Variants in ARHGAP39 observed in about 807,000 individuals in gnomAD.
The protein encoded by ARHGAP39 is rho GTPase-activating protein 39.
ARHGAP39 carries 44 observed loss-of-function variants against 106.9 expected under a neutral mutation model. That is an observed-to-expected ratio of 0.41 (90% CI 0.32 to 0.53). The LOEUF is 0.53. ARHGAP39 is among the 20% of genes least tolerant of loss of function. ARHGAP39 has a pLI of 0.21. For synonymous variants in ARHGAP39, 768 were observed against 693.2 expected, an observed-to-expected ratio of 1.11 and a Z score of -1.69; for missense variants, 1,496 against 1,577.3, an observed-to-expected ratio of 0.95 and a Z score of 0.87.
Position 144,570,050 on chromosome 8 carries a change from G to A in ARHGAP39, c.512+10796C>T, listed in dbSNP as rs573604527. Among the ~76,000 whole-genome samples the A allele has an allele frequency of 1.6e-3, 242 of 152,184 alleles. 1 individual carries two copies. The highest frequency in any genetic ancestry group is 5.5e-3 in the African/African-American group (228 of 41,516). On this transcript the variant is annotated intron_variant, in intron 3 of 11. Coordinates refer to ENST00000377307, the MANE Select transcript of ARHGAP39 (RefSeq NM_025251.3). ...AGCCTGGCCAACATGGTAAAACCCC[G>A]TCTCTACTAAAAATACAAAAATTAA...
intron 2 of ARHGAP39, among the ~76,000 whole-genome samples, chr8:144,587,308 G>A (rs988701641): frequency 5.3e-5 from 8 of 152,184 alleles, no homozygotes; most frequent in African/African-American, 1.7e-4. Flanking sequence ...GAGAAGGAAA[G>A]AGGCTACAGC....
At chr8:144,549,146 C>T (rs1269715759) in intron 4 of ARHGAP39, among the ~76,000 whole-genome samples, 1 of 152,252 alleles carries the variant, frequency 6.6e-6, no homozygotes. Flanking sequence ...CTCACTCATC[C>T]GCAACGAGGG....
intron 1 of ARHGAP39, among the ~76,000 whole-genome samples, chr8:144,653,751 T>C (rs1179239231): frequency 6.6e-6 from 1 of 151,876 alleles, no homozygotes; most frequent in Non-Finnish European, 1.5e-5. Flanking sequence ...GTAATAACTA[T>C]CAGGTCATGA....
At position 144,566,060 on chromosome 8, in the gene ARHGAP39, C is replaced by T. The variant is rs578088954; in HGVS notation, c.513-10417G>A. Among the ~76,000 whole-genome samples the T allele has an allele frequency of 3.3e-5, 5 of 152,090 alleles. No individual in the cohort carries two copies. In the South Asian group the frequency reaches 1.0e-3, roughly 32 times the overall value. On this transcript the variant is annotated intron_variant, in intron 3 of 11. Transcript: ENST00000377307. ...CATCATCTGTGATTGCGCCATTGCA[C>T]TTCAGCCTGGGCTACAGAGCGAGAC... is the stretch of plus-strand genomic sequence containing the variant.
intron 2 of ARHGAP39, among the ~76,000 whole-genome samples, chr8:144,590,712 G>A (rs1586586413): frequency 6.6e-6 from 1 of 152,118 alleles, no homozygotes; most frequent in South Asian, 2.1e-4. Flanking sequence ...ATCTCAGTGT[G>A]CACTGAAGGG....
At chr8:144,697,649 C>T in the ARHGAP39 span, among the ~76,000 whole-genome samples, 4 of 151,888 alleles carry the variant, frequency 2.6e-5, no homozygotes, top group Non-Finnish European at 1.5e-5. Context: ...CCTCCCATGC[C>T]CAGCTAATTT....
chr8:144,663,285 G>A (rs1284211549), intron 1 of ARHGAP39, among the ~76,000 whole-genome samples: 1 of 152,046 alleles, frequency 6.6e-6, no homozygotes, highest in East Asian at 1.9e-4. Flanking sequence ...CAGTTCTGCA[G>A]GCTGTACAGG....
chr8:144,534,098 G>A (rs1309919286), intron 8 of ARHGAP39, 31 bp downstream of exon 8: 2 of 1,609,976 alleles, frequency 1.2e-6, no homozygotes, highest in East Asian at 2.2e-5. Context: ...GTCCCCGCCT[G>A]CCCTCCCCGG....
intron 3 of ARHGAP39, among the ~76,000 whole-genome samples, chr8:144,576,084 C>G (rs1818761872): frequency 6.6e-6 from 1 of 152,078 alleles, no homozygotes; most frequent in East Asian, 1.9e-4. Context: ...TGTAATCCAG[C>G]ACTTTGGGAG....
At chr8:144,619,521 T>C (rs530250725) in intron 1 of ARHGAP39, among the ~76,000 whole-genome samples, 10 of 151,820 alleles carry the variant, frequency 6.6e-5, no homozygotes, top group African/African-American at 2.4e-4. Flanking sequence ...TGAGAAAGCG[T>C]GTGTGCCTGT....
chr8:144,620,961 C>G (rs1338633617), intron 1 of ARHGAP39, among the ~76,000 whole-genome samples: 1 of 152,278 alleles, frequency 6.6e-6, no homozygotes, highest in Non-Finnish European at 1.5e-5. Context: ...AGGCACAGAC[C>G]CGTCCCTTGG....
At position 144,530,746 on chromosome 8, in the gene ARHGAP39, G is replaced by C. The variant is rs763178671; in HGVS notation, c.3106C>G (p.Arg1036Gly). The change falls in exon 11 of 12, where the codon CGC becomes GGC. Residue 1036 changes from arginine (R) to glycine (G), a missense_variant. By Grantham distance (125) the Arg-to-Gly change is moderately radical. Transcript: ENST00000377307. ...AAVAVVHALP[R>G]INRMVLCYLI... ...TAGCACAGCACCATGCGGTTGATGCGGGGCAGCGCGTGCACCACGGCCACC... is the reference window on the plus strand; with the variant it reads ...TAGCACAGCACCATGCGGTTGATGCCGGGCAGCGCGTGCACCACGGCCACC... The C allele has an allele frequency of 7.5e-6, 12 of 1,609,874 alleles. No individual in the cohort carries two copies. The highest frequency in any genetic ancestry group is 8.5e-6 in the Non-Finnish European group (10 of 1,178,702).
rs143025683 is a variant in ARHGAP39 at position 144,587,183 on chromosome 8, A to G, written c.81-5906T>C. 3.0e-3 allele frequency among the ~76,000 whole-genome samples: 463 copies of G among 152,326 alleles called. 2 individuals are homozygous for G. The highest frequency in any genetic ancestry group is 5.2e-3 in the African/African-American group (215 of 41,574). On this transcript the variant is annotated intron_variant, in intron 2 of 11. Transcript: ENST00000377307. ...TAAGTCAATTAAACCTCTTTTCTTT[A>G]TAAGTTGTCCAGTCTCAGGCATGCC...
At chr8:144,649,287 A>G (rs1821519351) in intron 1 of ARHGAP39, among the ~76,000 whole-genome samples, 1 of 147,462 alleles carries the variant, frequency 6.8e-6, no homozygotes, top group Admixed American at 6.8e-5. Flanking sequence ...CTAAAAATAC[A>G]AAAAAAAAAC....
rs981290842 is a variant in ARHGAP39, at chr8:144,547,287, A to G, written c.1799T>C (p.Val600Ala). The G allele has an allele frequency of 1.2e-6, 2 of 1,612,014 alleles. No homozygotes were observed. Among genetic ancestry groups the G allele is most frequent in the Admixed American group, 1.7e-5 (1 of 59,944 alleles). ...CGCCTCGTCCTCGCTGAAGGCCCGC[A>G]CCACCGGCCCGGGCATGGGCAGTGG... The part of the protein sequence containing the change: ...ALPLPMPGPV[V>A]RAFSEDEALA... Residue 600 changes from valine to alanine, a missense_variant, in exon 5 of 12, where the codon GTG (valine) becomes GCG (alanine). By Grantham distance (64) the Val-to-Ala change is moderately conservative (BLOSUM62 0). Around this residue, in one of 4 missense-constraint regions of ARHGAP39, gnomAD observed 905 missense variants for 816.4 expected, o/e 1.11. Coordinates refer to ENST00000377307, the MANE Select transcript of ARHGAP39 (RefSeq NM_025251.3). The surrounding 1 kb of genome is among the most constrained non-coding windows in gnomAD (Gnocchi z 5.2).
rs190077605 is a variant in ARHGAP39, at chr8:144,617,574, A to C, written c.-81-11879T>G. 4.0e-3 allele frequency among the ~76,000 whole-genome samples: 600 copies of C among 151,716 alleles called. 4 individuals are homozygous for C. The highest frequency in any genetic ancestry group is 0.014 in the African/African-American group (567 of 41,290). Reference sequence around the variant, plus strand: ...CCAGCCTTGGCCCCAGGAGATAAGAAACTGAAAAGACAAAAAAAAAAAAAA... The same window carrying C: ...CCAGCCTTGGCCCCAGGAGATAAGACACTGAAAAGACAAAAAAAAAAAAAA... On this transcript the variant is annotated intron_variant, in intron 1 of 11. Transcript: ENST00000377307.
At position 144,542,627 on chromosome 8, in the gene ARHGAP39, GC is replaced by G. The variant is rs751119193; in HGVS notation, c.2521+2621del. Among the ~76,000 whole-genome samples the G allele has an allele frequency of 9.0e-5, 6 of 66,504 alleles. No homozygotes were observed. The East Asian group carries it at 1.1e-3, about 13-fold the overall frequency. The allele number at this position is 66,504 out of a possible 152,430, so 43.6% of individuals were successfully genotyped here. On this transcript the variant is annotated intron_variant, in intron 6 of 11. Transcript: ENST00000377307. ...TTTTCTTTCTTTCTTTTTCCTACCCGCCCCCCCACCCCCACTTCGACGGAGT... is the reference window on the plus strand; with the variant it reads ...TTTTCTTTCTTTCTTTTTCCTACCCGCCCCCCACCCCCACTTCGACGGAGT...
At chr8:144,555,165 A>T (rs977704130) in intron 4 of ARHGAP39, among the ~76,000 whole-genome samples, 1 of 152,238 alleles carries the variant, frequency 6.6e-6, no homozygotes, top group African/African-American at 2.4e-5. Context: ...GGGCTACTGG[A>T]AGCCAAAGCC....
Position 144,555,631 on chromosome 8 carries a change from T to C in ARHGAP39, c.525A>G (p.Pro175=). ...VKEDSGSSSP[P]GVFLEKDYEI... is the part of the protein sequence containing the mutation. ...CATAGTCCTTCTCAAGGAACACTCC[T>C]GGTGGTGAAGAGCTGAAACACAGTA... Residue 175 remains proline (P), a synonymous_variant, in exon 4 of 12, where the codon CCA becomes CCG. Coordinates refer to ENST00000377307, the MANE Select transcript of ARHGAP39 (RefSeq NM_025251.3). The C allele has an allele frequency of 6.2e-7, 1 of 1,613,766 alleles. No individual in the cohort carries two copies. The highest frequency in any genetic ancestry group is 8.5e-7 in the Non-Finnish European group (1 of 1,179,932).
Sources: gnomAD v4.1 joint callset for allele counts (sites outside exome capture counted in the v4.1 genomes callset) on GRCh38, gnomAD v4.1.1 for gene constraint, gnomAD v4.1.1 regional missense constraint, Gnocchi (gnomAD v3.1) non-coding constraint, MANE v1.5 for transcripts, NCBI Gene and HGNC (gene_info 2026-07-23, HGNC 2026-07-21) for gene names.